The following KCTD9 variants were observed in gnomAD, a reference collection of about 807,000 sequenced individuals.
KCTD9 encodes potassium channel tetramerization domain containing 9, also known as BTB/POZ domain-containing protein KCTD9.
In KCTD9, 17 loss-of-function variants were observed where a neutral mutation model predicts 53.3. The observed-to-expected ratio is 0.32, with a 90% CI of 0.22 to 0.48. KCTD9 has a LOEUF of 0.48. Among genes scored for constraint, KCTD9 ranks in the 20% least tolerant of loss-of-function variants. The pLI is 0.99. For missense variants in KCTD9, 179 were observed against 465.5 expected, an observed-to-expected ratio of 0.38 and a Z score of 5.66; for synonymous variants, 128 against 162.7, an observed-to-expected ratio of 0.79 and a Z score of 1.62.
At chr8:25,447,948 G>A (rs2117428755) in intron 1 of KCTD9, among the ~76,000 whole-genome samples, 1 of 152,142 alleles carries the variant, frequency 6.6e-6, no homozygotes, top group East Asian at 1.9e-4. Context: ...CCAACATGGT[G>A]AAACATGGTC....
chr8:25,442,457 C>T (rs927963429), intron 3 of KCTD9, among the ~76,000 whole-genome samples: 1 of 152,132 alleles, frequency 6.6e-6, no homozygotes, highest in Non-Finnish European at 1.5e-5. Flanking sequence ...TAACACAGAA[C>T]AAGTTACACA....
intron 3 of KCTD9, among the ~76,000 whole-genome samples, chr8:25,442,225 C>A (rs1802136028): frequency 6.6e-6 from 1 of 152,010 alleles, no homozygotes; most frequent in Admixed American, 6.6e-5. Flanking sequence ...GAAAACCAAT[C>A]CAGAACAACT....
Position 25,439,640 on chromosome 8 carries a change from A to T in KCTD9, c.336T>A (p.Pro112=). ...TAAACATGTGGGCCAGCATACTGTC[A>T]GGTTCTTTATTCACTAAAGTGCTCC... ...TTRSTLVNKE[P]DSMLAHMFKD... The change falls in exon 5 of 12, where the codon CCT becomes CCA. Residue 112 remains proline, a synonymous_variant. Transcript: ENST00000221200. The T allele has an allele frequency of 6.2e-7, 1 of 1,614,152 alleles. No homozygotes were observed. The highest frequency in any genetic ancestry group is 8.5e-7 in the Non-Finnish European group (1 of 1,180,014).
chr8:25,446,268 TA>T lies in KCTD9; in HGVS notation c.49-19del. 6.2e-7 allele frequency: 1 copy of T among 1,612,262 alleles called. No homozygotes were observed. The highest frequency in any genetic ancestry group is 8.5e-7 in the Non-Finnish European group (1 of 1,178,728). On this transcript the variant is annotated intron_variant, in intron 1 of 11. Coordinates refer to ENST00000221200, the MANE Select transcript of KCTD9 (RefSeq NM_017634.4). ...GCAACCACCTGTAAACACACCAGAA[TA>T]ATATGAACAATTTCTTTAATACATG... is the stretch of plus-strand genomic sequence containing the variant.
In KCTD9 at chr8:25,433,434, C is replaced by A. The variant is rs1295534927; in HGVS notation, c.815G>T (p.Cys272Phe). The A allele has an allele frequency of 1.9e-6, 3 of 1,581,876 alleles. No individual in the cohort carries two copies. The highest frequency in any genetic ancestry group is 1.4e-5 in the African/African-American group (1 of 73,996). The change falls in exon 10 of 12, where the codon TGT becomes TTT. Residue 272 changes from cysteine to phenylalanine, a missense_variant and splice_region_variant. Cys to Phe is a radical substitution (Grantham distance 205). Around this residue, in one of 4 missense-constraint regions of KCTD9, gnomAD observed 32 missense variants for 55.7 expected, o/e 0.57. Transcript: ENST00000221200. ...RADLSGSVLD[C>F]ANLQGVKMLC... is the part of the protein sequence containing the mutation. Reference sequence around the variant, plus strand: ...CATCTTGACTCCCTGGAGATTCGCACACTGCAAAGAAAAGAGAAAAGTCCT... The same window carrying A: ...CATCTTGACTCCCTGGAGATTCGCAAACTGCAAAGAAAAGAGAAAAGTCCT...
intron 4 of KCTD9, chr8:25,439,939 T>C (rs1013226907): frequency 1.5e-5 from 7 of 469,880 alleles, no homozygotes; most frequent in African/African-American, 1.2e-4. Flanking sequence ...AATAATATTC[T>C]TGATCTTCCA....
intron 1 of KCTD9, among the ~76,000 whole-genome samples, chr8:25,455,928 C>T (rs1242587658): frequency 1.3e-5 from 2 of 152,196 alleles, no homozygotes; most frequent in Non-Finnish European, 2.9e-5. Context: ...TTCTTCCTGA[C>T]CTCCAATAAA....
At chr8:25,445,105 AAG>A (rs1380952144) in intron 2 of KCTD9, among the ~76,000 whole-genome samples, 4 of 152,218 alleles carry the variant, frequency 2.6e-5, no homozygotes, top group Non-Finnish European at 4.4e-5. Flanking sequence ...TAGAAACTGA[AAG>A]AAGCTGGGAG....
chr8:25,453,059 T>C (rs1027789838), intron 1 of KCTD9, among the ~76,000 whole-genome samples: 2 of 152,154 alleles, frequency 1.3e-5, no homozygotes, highest in Non-Finnish European at 2.9e-5. Flanking sequence ...CCGAAGCTGA[T>C]TTTTTAAAAA....
chr8:25,430,003 T>G, intron 11 of KCTD9, 30 bp from the exon 12 acceptor site: 3 of 1,228,942 alleles, frequency 2.4e-6, no homozygotes, highest in Non-Finnish European at 3.6e-6. Context: ...TTCATGTAAT[T>G]CATGTGGAAA....
rs375328781 is a variant in KCTD9, at chr8:25,448,105, A to G, written c.49-1855T>C. 4.6e-5 allele frequency among the ~76,000 whole-genome samples: 7 copies of G among 152,078 alleles called. No individual in the cohort carries two copies. The South Asian group carries it at 8.3e-4, about 18-fold the overall frequency. On this transcript the variant is annotated intron_variant, in intron 1 of 11. Coordinates refer to ENST00000221200, the MANE Select transcript of KCTD9 (RefSeq NM_017634.4). ...ATCACGCCACTGCACTCCAGCCTGG[A>G]CATGATGGGACGGAAAAGAAAAAAG...
chr8:25,455,055 T>C (rs548993735), intron 1 of KCTD9, among the ~76,000 whole-genome samples: 30 of 152,048 alleles, frequency 2.0e-4, no homozygotes, highest in African/African-American at 6.3e-4. Context: ...GTGAAAACCG[T>C]CTCTACTAAA....
intron 6 of KCTD9, among the ~76,000 whole-genome samples, chr8:25,437,641 G>A (rs1160950479): frequency 6.6e-6 from 1 of 151,926 alleles, no homozygotes; most frequent in African/African-American, 2.4e-5. Context: ...TCGCGCCACT[G>A]CACTCCAGCC....
chr8:25,458,052 C>A, intron 1 of KCTD9, 147 bp downstream of exon 1: 1 of 732,260 alleles, frequency 1.4e-6, no homozygotes, highest in Non-Finnish European at 2.2e-6. Flanking sequence ...CCGCGGGGAC[C>A]CTGTGCTGTC....
intron 1 of KCTD9, among the ~76,000 whole-genome samples, chr8:25,451,240 T>C (rs1484440448): frequency 6.6e-6 from 1 of 152,208 alleles, no homozygotes; most frequent in African/African-American, 2.4e-5. Context: ...AAAATATATA[T>C]ATCAACATAA....
chr8:25,439,903 T>C (rs560725192), intron 4 of KCTD9: 1 of 695,968 alleles, frequency 1.4e-6, no homozygotes, highest in African/African-American at 1.8e-5. Context: ...TACTTGTCTG[T>C]CTATCCTGTA....
At chr8:25,438,841 C>G (rs969098312) in intron 6 of KCTD9, among the ~76,000 whole-genome samples, 2 of 152,200 alleles carry the variant, frequency 1.3e-5, no homozygotes, top group South Asian at 2.1e-4. Flanking sequence ...AATCAAGACT[C>G]TAATTGAGAA....
At position 25,439,683 on chromosome 8, in the gene KCTD9, A is replaced by ATTG. The variant is rs1802081149; in HGVS notation, c.312-20_312-19insCAA. 5.6e-6 allele frequency: 9 copies of ATTG among 1,613,398 alleles called. No homozygotes were observed. Among genetic ancestry groups the ATTG allele is most frequent in the Admixed American group, 1.7e-5 (1 of 59,984 alleles). On this transcript the variant is annotated intron_variant, in intron 4 of 11. Transcript: ENST00000221200. ...AGTGCTCCTAAGAATTCAGGGAAAA[A>ATTG]AATTGATTTCTCCATTTGTCTTTAT... is the stretch of plus-strand genomic sequence containing the variant.
rs542740540 is a variant in KCTD9 at position 25,436,528 on chromosome 8, A to C, written c.500-43T>G. The C allele has an allele frequency of 6.3e-4, 717 of 1,139,262 alleles. 10 individuals carry two copies. In the South Asian group the frequency reaches 9.7e-3, roughly 15 times the overall value. 70.6% of individuals were successfully genotyped at this position (1,139,262 alleles called of 1,614,324 possible). On this transcript the variant is annotated intron_variant, in intron 6 of 11. Transcript: ENST00000221200. ...ATTCTGAAACAACCTAATTTAGTGA[A>C]TGTATTACATTCATTTTGAATTTAC...
Sources: allele counts gnomAD v4.1 joint callset (sites outside exome capture counted in the v4.1 genomes callset), GRCh38; gene constraint gnomAD v4.1.1; regional missense constraint gnomAD v4.1.1; transcripts MANE v1.5; gene names NCBI Gene and HGNC (gene_info 2026-07-23, HGNC 2026-07-21).